The following VPS9D1 variants were observed in gnomAD, a reference collection of about 807,000 sequenced individuals.
VPS9D1 encodes the protein VPS9 domain-containing protein 1.
A neutral mutation model predicts 75.8 loss-of-function variants in VPS9D1; 78 were observed. The observed-to-expected ratio is 1.03, with a 90% CI of 0.86 to 1.24. VPS9D1 has a LOEUF of 1.24. Among genes scored for constraint, VPS9D1 ranks in the 50% most tolerant of loss-of-function variants. VPS9D1 has a pLI of 0.00. For synonymous variants in VPS9D1, 481 were observed against 385.6 expected, an observed-to-expected ratio of 1.25 and a Z score of -2.90; for missense variants, 1,057 against 847.7, an observed-to-expected ratio of 1.25 and a Z score of -3.07.
intron 8 of VPS9D1, 189 bp from the exon 9 acceptor site, chr16:89,711,601 T>G (rs1454327318): frequency 2.7e-6 from 1 of 377,326 alleles, no homozygotes; most frequent in Admixed American, 6.3e-5. Context: ...AGGCGAACCC[T>G]GGGCCTGCAC....
At chr16:89,708,371 G>A (rs1357681619) in intron 14 of VPS9D1, 56 bp downstream of exon 14, 8 of 1,509,824 alleles carry the variant, frequency 5.3e-6, no homozygotes, top group Non-Finnish European at 7.2e-6. Context: ...TTAGGTTGAG[G>A]GATGAGGTCC....
chr16:89,714,263 C>T (rs953378944), intron 4 of VPS9D1, among the ~76,000 whole-genome samples: 1 of 151,902 alleles, frequency 6.6e-6, no homozygotes, highest in Middle Eastern at 3.4e-3. Context: ...TTAAGCTCAT[C>T]GGCTGTTGTT....
rs1667465131 is a variant in VPS9D1 at position 89,708,898 on chromosome 16, G to A, written c.1656C>T (p.Ala552=). The change falls in exon 13 of 15, where the codon GCC becomes GCT. Residue 552 remains alanine (A), a synonymous_variant. Coordinates refer to ENST00000389386, the MANE Select transcript of VPS9D1 (RefSeq NM_004913.3). ...CAEDYCPTPE[A]TPQAGPPPIA... is the part of the protein sequence containing the mutation. ...TGGGCGGGGGCCCGGCCTGGGGTGT[G>A]GCCTCTGGGGTGGGGCAGTAGTCTT... 6.3e-7 allele frequency: 1 copy of A among 1,596,532 alleles called. No homozygotes were observed. Among genetic ancestry groups the A allele is most frequent in the Non-Finnish European group, 8.5e-7 (1 of 1,174,988 alleles).
rs1332785983 is a variant in VPS9D1, at chr16:89,715,951, AC to A, written c.431+510del. ...CTCGGCCTCCTACAGTGCTGGGATT[AC>A]AGGCGTGAGCCACCAGGCCGCCTGC... On this transcript the variant is annotated intron_variant, in intron 4 of 14. Coordinates refer to ENST00000389386, the MANE Select transcript of VPS9D1 (RefSeq NM_004913.3). Among the ~76,000 whole-genome samples, 3 of 148,622 alleles carry A rather than the reference AC, an allele frequency of 2.0e-5. No individual in the cohort carries two copies. In the South Asian group the frequency reaches 7.0e-4, roughly 34 times the overall value.
chr16:89,708,863 G>A lies in VPS9D1; in HGVS notation c.1691C>T (p.Ala564Val). 1 of 1,580,594 alleles carries A rather than the reference G, an allele frequency of 6.3e-7. No individual in the cohort carries two copies. ...PQAGPPPIAA[A>V]AIGADDLLPI... ...TCGCCCTCCTGGGACTCACATGGCA[G>A]CTGCAGCGATGGGCGGGGGCCCGGC... The change falls in exon 13 of 15, where the codon GCT (alanine) becomes GTT (valine). Residue 564 changes from alanine (A) to valine (V), a missense_variant. Ala to Val is a moderately conservative substitution (Grantham distance 64). Transcript: ENST00000389386.
intron 1 of VPS9D1, 91 bp downstream of exon 1, chr16:89,720,672 G>A (rs1222341069): frequency 9.5e-6 from 12 of 1,264,510 alleles, no homozygotes; most frequent in Admixed American, 8.5e-5. Flanking sequence ...CAAGTCTCCA[G>A]CCCGAGCCGG....
In VPS9D1 at chr16:89,712,541, G is replaced by GT; in HGVS notation, c.544-20dup. On this transcript the variant is annotated intron_variant, in intron 5 of 14. Coordinates refer to ENST00000389386, the MANE Select transcript of VPS9D1 (RefSeq NM_004913.3). ...AGAGGGTCTGGGGGGGGAGGAGGGA[G>GT]TAAGGCCGACTCCCCTCTGCCCCGC... 1 of 1,611,588 alleles carries GT rather than the reference G, an allele frequency of 6.2e-7. No homozygotes were observed. Among genetic ancestry groups the GT allele is most frequent in the Non-Finnish European group, 8.5e-7 (1 of 1,179,710 alleles).
rs748110061 is a variant in VPS9D1 at position 89,708,876 on chromosome 16, G to T, written c.1678C>A (p.Pro560Thr). The T allele has an allele frequency of 3.5e-5, 56 of 1,584,442 alleles. No individual in the cohort carries two copies. In the East Asian group the frequency reaches 1.2e-3, roughly 34 times the overall value. Residue 560 changes from proline to threonine, a missense_variant, in exon 13 of 15, where the codon CCC (proline) becomes ACC (threonine). By Grantham distance (38) the Pro-to-Thr change is conservative. Transcript: ENST00000389386. ...PEATPQAGPP[P>T]IAAAAIGADD... is the part of the protein sequence containing the mutation. ...ACTCACATGGCAGCTGCAGCGATGG[G>T]CGGGGGCCCGGCCTGGGGTGTGGCC... is the stretch of plus-strand genomic sequence containing the variant.
chr16:89,716,388 G>A, intron 4 of VPS9D1, 74 bp downstream of exon 4: 1 of 1,588,790 alleles, frequency 6.3e-7, no homozygotes, highest in Non-Finnish European at 8.5e-7. Context: ...AAAAATCGCT[G>A]TCATCAGCTC....
At chr16:89,709,668 T>A in intron 11 of VPS9D1, 109 bp downstream of exon 11, 8 of 1,542,978 alleles carry the variant, frequency 5.2e-6, no homozygotes, top group Non-Finnish European at 7.0e-6. Context: ...CAAACACGAG[T>A]CTTGGGGATG....
chr16:89,719,265 A>G (rs2061174589), intron 1 of VPS9D1, 163 bp from the exon 2 acceptor site: 1 of 715,248 alleles, frequency 1.4e-6, no homozygotes, highest in Non-Finnish European at 2.5e-6. Flanking sequence ...TGCAGCCGGA[A>G]CACGGTTTTC....
intron 1 of VPS9D1, chr16:89,720,479 G>C: frequency 9.0e-7 from 1 of 1,106,714 alleles, no homozygotes. Context: ...TGGCCTGGCG[G>C]ACCCTCCTGC....
intron 4 of VPS9D1, 29 bp downstream of exon 4, chr16:89,716,422 AATCCCAGGCTC>A: frequency 1.2e-6 from 2 of 1,608,678 alleles, no homozygotes; most frequent in East Asian, 2.2e-5. Flanking sequence ...TCAAAAACCC[AATCCCAGGCTC>A]ATCCCACCTC....
chr16:89,711,448 G>T (rs1270156234), intron 8 of VPS9D1, 36 bp from the exon 9 acceptor site: 1 of 1,561,762 alleles, frequency 6.4e-7, no homozygotes, highest in East Asian at 2.4e-5. Flanking sequence ...AAGCACGGTG[G>T]GTCCGCCACG....
intron 4 of VPS9D1, 38 bp downstream of exon 4, chr16:89,716,424 T>A (rs904001279): frequency 6.8e-6 from 11 of 1,611,768 alleles, no homozygotes; most frequent in Non-Finnish European, 9.3e-6. Context: ...AAAAACCCAA[T>A]CCCAGGCTCA....
intron 3 of VPS9D1, 44 bp downstream of exon 3, chr16:89,716,686 C>G: frequency 6.9e-6 from 11 of 1,597,000 alleles, no homozygotes; most frequent in Non-Finnish European, 9.4e-6. Context: ...GAGATGCGGG[C>G]TTGGGGGATG....
intron 9 of VPS9D1, 61 bp downstream of exon 9, chr16:89,711,266 C>T (rs2060911167): frequency 6.6e-7 from 1 of 1,526,582 alleles, no homozygotes; most frequent in African/African-American, 1.4e-5. Flanking sequence ...GCACCTGGCA[C>T]CAGGCAGAGG....
chr16:89,716,350 A>G, intron 4 of VPS9D1, 112 bp downstream of exon 4: 2 of 1,493,158 alleles, frequency 1.3e-6, no homozygotes, highest in Non-Finnish European at 1.8e-6. Context: ...TGGGTGACAG[A>G]GTGAGACTCT....
Position 89,709,403 on chromosome 16 carries a change from C to G in VPS9D1, c.1421G>C (p.Ser474Thr). 2 of 1,528,712 alleles carry G rather than the reference C, an allele frequency of 1.3e-6. No individual in the cohort carries two copies. The highest frequency in any genetic ancestry group is 1.7e-6 in the Non-Finnish European group (2 of 1,144,526). The allele number at this position is 1,528,712 out of a possible 1,614,324, so 94.7% of individuals were successfully genotyped here. A position where few individuals can be genotyped will look rare whatever the true frequency, so the allele number is the denominator to read the frequency against. Residue 474 changes from serine to threonine, a missense_variant, in exon 12 of 15, where the codon AGC (serine) becomes ACC (threonine). Physicochemically the swap from Ser to Thr is moderately conservative, Grantham distance 58. Transcript: ENST00000389386. ...SVHRAREAALSRSMELYRNAP... is the reference protein window; with the variant it reads ...SVHRAREAALTRSMELYRNAP... Reference sequence around the variant, plus strand: ...ATTCCTGTAGAGCTCCATGCTCCTGCTCAGGGCAGCCTCCCGGGCTCGGTG... The same window carrying G: ...ATTCCTGTAGAGCTCCATGCTCCTGGTCAGGGCAGCCTCCCGGGCTCGGTG...
Sources: gnomAD v4.1 joint callset for allele counts (sites outside exome capture counted in the v4.1 genomes callset) on GRCh38, gnomAD v4.1.1 for gene constraint, MANE v1.5 for transcripts, NCBI Gene and HGNC (gene_info 2026-07-23, HGNC 2026-07-21) for gene names.